ZBTB40: variants seen among roughly 807,000 people sequenced by gnomAD.
The protein encoded by ZBTB40 is zinc finger and BTB domain containing 40.
ZBTB40 carries 60 observed loss-of-function variants against 117.5 expected under a neutral mutation model. The observed-to-expected ratio is 0.51, with a 90% CI of 0.41 to 0.63. The LOEUF is 0.63. Among genes scored for constraint, ZBTB40 ranks in the 30% least tolerant of loss-of-function variants. The pLI is 0.00. For synonymous variants in ZBTB40, 525 were observed against 577.1 expected (o/e 0.91, Z 1.29); for missense variants, 1,287 against 1,498.5 (o/e 0.86, Z 2.33).
intron 1 of ZBTB40, among the ~76,000 whole-genome samples, chr1:22,468,891 A>AT (rs1352134108): frequency 6.6e-6 from 1 of 152,056 alleles, no homozygotes; most frequent in Non-Finnish European, 1.5e-5. Flanking sequence ...CAGTGGCACA[A>AT]TCATAGCTCA....
At chr1:22,439,388 T>C (rs1640707130) in intron 1 of ZBTB40, among the ~76,000 whole-genome samples, 1 of 152,232 alleles carries the variant, frequency 6.6e-6, no homozygotes, top group Non-Finnish European at 1.5e-5. Flanking sequence ...GTCTGTGCCT[T>C]TGCCATCATA....
chr1:22,450,931 G>A (rs1312738632), upstream of ZBTB40, among the ~76,000 whole-genome samples: 1 of 152,226 alleles, frequency 6.6e-6, no homozygotes, highest in Non-Finnish European at 1.5e-5. Context: ...GTGGCTGCAT[G>A]TCAGTGACAG....
At chr1:22,517,917 C>G (rs1049231805) in intron 13 of ZBTB40, among the ~76,000 whole-genome samples, 1 of 152,262 alleles carries the variant, frequency 6.6e-6, no homozygotes, top group Non-Finnish European at 1.5e-5. Context: ...CCAGCATTCT[C>G]TTCCGAATGC....
upstream of ZBTB40, among the ~76,000 whole-genome samples, chr1:22,450,065 T>A (rs1211751605): frequency 6.6e-6 from 1 of 152,026 alleles, no homozygotes; most frequent in Non-Finnish European, 1.5e-5. Context: ...TGCCTCAGCA[T>A]CCTGAGTAAC....
chr1:22,442,046 G>A (rs780003921), intron 1 of ZBTB40, among the ~76,000 whole-genome samples: 34 of 152,108 alleles, frequency 2.2e-4, no homozygotes, highest in Non-Finnish European at 3.4e-4. Flanking sequence ...TTAAGAATGC[G>A]TTGTTTAATC....
At chr1:22,443,134 C>G (rs184212642) in intron 1 of ZBTB40, among the ~76,000 whole-genome samples, 1 of 152,170 alleles carries the variant, frequency 6.6e-6, no homozygotes, top group African/African-American at 2.4e-5. Context: ...AAAGTCTCAA[C>G]GAAAATTATT....
At chr1:22,475,728 G>C (rs1641536790) in intron 1 of ZBTB40, among the ~76,000 whole-genome samples, 1 of 152,068 alleles carries the variant, frequency 6.6e-6, no homozygotes. Flanking sequence ...TCCAGTGTTG[G>C]ATTCAGGATT....
chr1:22,488,131 C>G (rs1471070464), intron 1 of ZBTB40, among the ~76,000 whole-genome samples: 2 of 152,162 alleles, frequency 1.3e-5, no homozygotes, highest in Non-Finnish European at 2.9e-5. Flanking sequence ...TCTCCTATCC[C>G]CCAAACTGTG....
intron 1 of ZBTB40, among the ~76,000 whole-genome samples, chr1:22,434,244 C>T (rs755573445): frequency 2.0e-5 from 3 of 152,146 alleles, no homozygotes; most frequent in Admixed American, 2.0e-4. Flanking sequence ...TCGTGCCTTT[C>T]ATATGTATTA....
At position 22,525,285 on chromosome 1, in the gene ZBTB40, A is replaced by C. The variant is rs984462350; in HGVS notation, c.3525+841A>C. 2.0e-5 allele frequency among the ~76,000 whole-genome samples: 3 copies of C among 151,810 alleles called. No homozygotes were observed. In the South Asian group the frequency reaches 6.2e-4, roughly 31 times the overall value. ...GTGGGGCTGGGGCGTCCATTTCTAA[A>C]AGAAAAAGAAAGAAAAGCAGTTTGA... is the stretch of plus-strand genomic sequence containing the variant. On this transcript the variant is annotated intron_variant, in intron 17 of 17. Transcript: ENST00000375647.
intron 3 of ZBTB40, among the ~76,000 whole-genome samples, chr1:22,501,063 C>T (rs1042725734): frequency 5.9e-5 from 9 of 152,144 alleles, no homozygotes; most frequent in Admixed American, 5.9e-4. Flanking sequence ...ATTAAAAATT[C>T]ACTGAGCCCC....
chr1:22,446,674 C>T (rs534880961), intron 1 of ZBTB40, among the ~76,000 whole-genome samples: 3 of 151,856 alleles, frequency 2.0e-5, no homozygotes, highest in South Asian at 2.1e-4. Context: ...GAATTCTGTA[C>T]GCTGTGGAAT....
intron 3 of ZBTB40, among the ~76,000 whole-genome samples, chr1:22,494,491 T>TCAA (rs1476952443): frequency 6.6e-6 from 1 of 152,232 alleles, no homozygotes; most frequent in East Asian, 1.9e-4. Context: ...ATTCTTAGGC[T>TCAA]GTGTTAGAAC....
At chr1:22,469,128 T>C (rs1330319561) in intron 1 of ZBTB40, among the ~76,000 whole-genome samples, 1 of 152,054 alleles carries the variant, frequency 6.6e-6, no homozygotes, top group Non-Finnish European at 1.5e-5. Context: ...CTGTGCCTGG[T>C]TGTCACTTCC....
At chr1:22,438,620 T>A (rs757308993) in intron 1 of ZBTB40, among the ~76,000 whole-genome samples, 1 of 152,214 alleles carries the variant, frequency 6.6e-6, no homozygotes, top group Non-Finnish European at 1.5e-5. Flanking sequence ...GCAAGTGTAC[T>A]GTTTTACACT....
At chr1:22,523,816 TA>T (rs1639603528) in intron 16 of ZBTB40, among the ~76,000 whole-genome samples, 1 of 152,224 alleles carries the variant, frequency 6.6e-6, no homozygotes, top group South Asian at 2.1e-4. Context: ...CTGACTGCCT[TA>T]GCCCACAGAA....
chr1:22,524,140 T>A lies in ZBTB40; in HGVS notation c.3299-78T>A, dbSNP rs1288174422. ...ATCCTCATTGCTCTTTCCTCTCATG[T>A]CTTCCTGCCCTCATTTCTCTCATTT... On this transcript the variant is annotated intron_variant, in intron 16 of 17. Coordinates refer to ENST00000375647, the MANE Select transcript of ZBTB40 (RefSeq NM_014870.4). 2.2e-6 allele frequency: 3 copies of A among 1,384,308 alleles called. No individual in the cohort carries two copies. The East Asian group carries it at 7.1e-5, about 33-fold the overall frequency. 85.8% of individuals were successfully genotyped at this position (1,384,308 alleles called of 1,614,324 possible).
rs754749411 is a variant in ZBTB40 at position 22,520,210 on chromosome 1, C to T, written c.2983C>T (p.Arg995Trp). 6.2e-6 allele frequency: 10 copies of T among 1,614,014 alleles called. No individual in the cohort carries two copies. Among genetic ancestry groups the T allele is most frequent in the South Asian group, 2.2e-5 (2 of 91,082 alleles). ...CTTCAGTGCCCCGTCCATGCTGGAGCGGCACGTGGTGACCCACGTTGGAGG... is the reference window on the plus strand; with the variant it reads ...CTTCAGTGCCCCGTCCATGCTGGAGTGGCACGTGGTGACCCACGTTGGAGG... ...KIFSAPSMLERHVVTHVGGKP... is the reference protein window; with the variant it reads ...KIFSAPSMLEWHVVTHVGGKP... Residue 995 changes from arginine to tryptophan, a missense_variant, in exon 14 of 18, where the codon CGG becomes TGG. Arg to Trp is a moderately radical substitution (Grantham distance 101, BLOSUM62 -3). Coordinates refer to ENST00000375647, the MANE Select transcript of ZBTB40 (RefSeq NM_014870.4).
chr1:22,467,631 C>T (rs1641287974), intron 1 of ZBTB40, among the ~76,000 whole-genome samples: 1 of 152,112 alleles, frequency 6.6e-6, no homozygotes, highest in Admixed American at 6.5e-5. Context: ...GGCACCACTA[C>T]ACCTGGCTAA....
Sources: gnomAD v4.1 joint callset for allele counts (sites outside exome capture counted in the v4.1 genomes callset) on GRCh38, gnomAD v4.1.1 for gene constraint, MANE v1.5 for transcripts, NCBI Gene and HGNC (gene_info 2026-07-23, HGNC 2026-07-21) for gene names.